KIF13B: variants seen among roughly 807,000 people sequenced by gnomAD.
KIF13B encodes kinesin-like protein KIF13B.
Under a neutral mutation model 222.0 loss-of-function variants are expected in KIF13B, and 127 were observed. That is an observed-to-expected ratio of 0.57 (90% CI 0.50 to 0.66). The LOEUF is 0.66. KIF13B is among the 30% of genes least tolerant of loss of function. The probability of loss-of-function intolerance (pLI) is 0.00; values close to 1 mark genes in which losing one functional copy is unlikely to be tolerated. For missense variants in KIF13B, 2,173 were observed against 2,379.0 expected, an observed-to-expected ratio of 0.91 and a Z score of 1.80; for synonymous variants, 976 against 919.0, an observed-to-expected ratio of 1.06 and a Z score of -1.12.
intron 2 of KIF13B, chr8:29,219,179 T>G (rs1223432286): frequency 6.6e-6 from 1 of 152,310 alleles, no homozygotes; most frequent in African/African-American, 2.4e-5. Flanking sequence ...TGCTCTGTCC[T>G]GAGCACTGAC....
At chr8:29,213,765 A>G (rs1210094409) in intron 2 of KIF13B, among the ~76,000 whole-genome samples, 1 of 151,960 alleles carries the variant, frequency 6.6e-6, no homozygotes, top group African/African-American at 2.4e-5. Context: ...CCTGGCCGAC[A>G]TGGTGAAACG....
chr8:29,082,895 CAGG>C (rs1249363074), intron 37 of KIF13B, among the ~76,000 whole-genome samples: 11 of 152,200 alleles, frequency 7.2e-5, no homozygotes, highest in Non-Finnish European at 8.8e-5. Flanking sequence ...GAGGCTGAGG[CAGG>C]AGGATTGCTT....
In KIF13B at chr8:29,191,073, A is replaced by G. The variant is rs189840966; in HGVS notation, c.163-16T>C. 4.0e-4 allele frequency: 643 copies of G among 1,594,128 alleles called. 2 individuals carry two copies. In the African/African-American group the frequency reaches 6.4e-3, roughly 16 times the overall value. ...AAGCAAACACCTGTTGAAAATGAAC[A>G]TAAGTGTGTGTTAAGAAAACCTCAA... On this transcript the variant is annotated splice_polypyrimidine_tract_variant and intron_variant, in intron 3 of 39. Transcript: ENST00000524189.
intron 1 of KIF13B, among the ~76,000 whole-genome samples, chr8:29,245,800 T>C (rs962587052): frequency 2.0e-5 from 3 of 151,344 alleles, no homozygotes; most frequent in Admixed American, 6.6e-5. Context: ...GAGAAAATCC[T>C]AAGGAAACCG....
chr8:29,164,708 C>T (rs2130141206), intron 12 of KIF13B, among the ~76,000 whole-genome samples: 1 of 152,206 alleles, frequency 6.6e-6, no homozygotes, highest in African/African-American at 2.4e-5. Flanking sequence ...TCCACATTAC[C>T]ATATGTATTT....
In KIF13B at chr8:29,177,531, G is replaced by A; in HGVS notation, c.768C>T (p.Gly256=). ...VGKLSLVDLA[G]SERATKTGAA... is the part of the protein sequence containing the mutation. ...CGCCTGTCTTCGTTGCTCGTTCACT[G>A]CCAGCTAAATCCACCAGGCTGAGTT... The change falls in exon 9 of 40, where the codon GGC becomes GGT. Residue 256 remains glycine (G), a synonymous_variant. Transcript: ENST00000524189. The A allele has an allele frequency of 6.2e-7, 1 of 1,613,802 alleles. No homozygotes were observed. The highest frequency in any genetic ancestry group is 8.5e-7 in the Non-Finnish European group (1 of 1,179,764).
chr8:29,223,813 T>C (rs1205911569), intron 2 of KIF13B, among the ~76,000 whole-genome samples: 1 of 152,160 alleles, frequency 6.6e-6, no homozygotes, highest in African/African-American at 2.4e-5. Context: ...TGCCTCAGCC[T>C]TCCGAGTAGC....
intron 2 of KIF13B, among the ~76,000 whole-genome samples, chr8:29,217,310 T>G (rs557220128): frequency 1.3e-5 from 2 of 152,260 alleles, no homozygotes; most frequent in South Asian, 4.1e-4. Context: ...GTAACTAAGG[T>G]GAAATGAGAC....
intron 21 of KIF13B, among the ~76,000 whole-genome samples, chr8:29,137,303 G>C (rs1319603620): frequency 1.3e-5 from 2 of 152,196 alleles, no homozygotes; most frequent in Admixed American, 1.3e-4. Flanking sequence ...TCAGCCATAA[G>C]AAATGAACAC....
chr8:29,220,950 A>G (rs1479267120), intron 2 of KIF13B, among the ~76,000 whole-genome samples: 1 of 151,974 alleles, frequency 6.6e-6, no homozygotes, highest in Non-Finnish European at 1.5e-5. Flanking sequence ...ATCTCTATAA[A>G]TAAATATATT....
At position 29,070,947 on chromosome 8, in the gene KIF13B, G is replaced by A. The variant is rs1312075563; in HGVS notation, c.5219-181C>T. Reference sequence around the variant, plus strand: ...GACTGGCTAAATGAATGTGGCCAGGGCCTGGGGTGACCGCCTCCCAGGACA... The same window carrying A: ...GACTGGCTAAATGAATGTGGCCAGGACCTGGGGTGACCGCCTCCCAGGACA... On this transcript the variant is annotated intron_variant, in intron 39 of 39. Transcript: ENST00000524189. This position sits in a 1 kb window ranked among gnomAD's most constrained non-coding sequence, Gnocchi z 4.1. Among the ~76,000 whole-genome samples the A allele has an allele frequency of 1.3e-5, 2 of 152,196 alleles. No individual in the cohort carries two copies.
intron 2 of KIF13B, among the ~76,000 whole-genome samples, chr8:29,208,621 T>C (rs1814065563): frequency 6.6e-6 from 1 of 152,208 alleles, no homozygotes. Context: ...CAGCGTTGGC[T>C]TGGGAGAGAC....
rs1212639331 is a variant in KIF13B at position 29,070,586 on chromosome 8, T to A, written c.5399A>T (p.Asn1800Ile). 2 of 1,601,024 alleles carry A rather than the reference T, an allele frequency of 1.2e-6. No homozygotes were observed. The highest frequency in any genetic ancestry group is 1.7e-5 in the Admixed American group (1 of 58,716). ...CAGGGCAGCTGTCAGCGAGGCCAGG[T>A]TGGTGGCGGAGCCCGAGAGGGTGGC... is the stretch of plus-strand genomic sequence containing the variant. ...RSATLSGSAT[N>I]LASLTAALAK... The change falls in exon 40 of 40, where the codon AAC (asparagine) becomes ATC (isoleucine). Residue 1800 changes from asparagine (N) to isoleucine (I), a missense_variant. Physicochemically the swap from Asn to Ile is moderately radical, Grantham distance 149. Transcript: ENST00000524189. The surrounding 1 kb of genome is among the most constrained non-coding windows in gnomAD (Gnocchi z 4.1).
At chr8:29,154,000 GT>G (rs1811409294) in intron 14 of KIF13B, among the ~76,000 whole-genome samples, 2 of 152,192 alleles carry the variant, frequency 1.3e-5, no homozygotes, top group Non-Finnish European at 2.9e-5. Flanking sequence ...CATGATGCAG[GT>G]TTTTACACAC....
At chr8:29,181,871 C>T (rs1336272877) in intron 7 of KIF13B, 48 bp downstream of exon 7, 1 of 1,290,776 alleles carries the variant, frequency 7.7e-7, no homozygotes, top group South Asian at 1.4e-5. Context: ...AAAAGAGCCC[C>T]ACCCTACTAC....
At chr8:29,078,837 G>T (rs556389280) in intron 37 of KIF13B, among the ~76,000 whole-genome samples, 1 of 152,316 alleles carries the variant, frequency 6.6e-6, no homozygotes, top group East Asian at 1.9e-4. Flanking sequence ...GGCTGAACCT[G>T]CAATCACCCT....
At chr8:29,145,539 G>A (rs1004814745) in intron 18 of KIF13B, among the ~76,000 whole-genome samples, 2 of 152,140 alleles carry the variant, frequency 1.3e-5, no homozygotes, top group Non-Finnish European at 2.9e-5. Context: ...GCTGAGGCAG[G>A]AGAATCGCTT....
chr8:29,160,637 T>G (rs772697809), intron 13 of KIF13B, 96 bp downstream of exon 13: 444 of 1,184,672 alleles, frequency 3.7e-4, no homozygotes, highest in Non-Finnish European at 4.7e-4. Flanking sequence ...TTTTTGCTGT[T>G]TTCTGAGTAA....
In KIF13B at chr8:29,070,662, G is replaced by A. The variant is rs754683695; in HGVS notation, c.5323C>T (p.Arg1775Trp). Reference protein sequence around the residue: ...SRVRRATGPVRRRSTGLRLGA... With the variant: ...SRVRRATGPVWRRSTGLRLGA... The stretch of plus-strand genomic sequence containing the variant: ...AGCCGGAGTCCTGTGCTGCGCCGCC[G>A]CACAGGGCCCGTGGCCCTGCGGACC... The change falls in exon 40 of 40, where the codon CGG becomes TGG. Residue 1775 changes from arginine to tryptophan, a missense_variant. By Grantham distance (101) the Arg-to-Trp change is moderately radical. Transcript: ENST00000524189. The surrounding 1 kb of genome is among the most constrained non-coding windows in gnomAD (Gnocchi z 4.1). 6.5e-5 allele frequency: 101 copies of A among 1,561,950 alleles called. No individual in the cohort carries two copies. Among genetic ancestry groups the A allele is most frequent in the Non-Finnish European group, 8.6e-5 (99 of 1,153,424 alleles).
Sources: gnomAD v4.1 joint callset for allele counts (sites outside exome capture counted in the v4.1 genomes callset) on GRCh38, gnomAD v4.1.1 for gene constraint, Gnocchi (gnomAD v3.1) non-coding constraint, MANE v1.5 for transcripts, NCBI Gene and HGNC (gene_info 2026-07-23, HGNC 2026-07-21) for gene names.